LGALS3: variants seen among roughly 807,000 people sequenced by gnomAD.
The protein encoded by LGALS3 is galectin-3.
A neutral mutation model predicts 20.7 loss-of-function variants in LGALS3; 18 were observed. The ratio of observed to expected loss-of-function variants is 0.87; its 90% CI spans 0.60 to 1.29. The LOEUF is 1.29. Ranked by LOEUF, LGALS3 falls within the 50% of genes most tolerant of loss-of-function variation. The probability of loss-of-function intolerance (pLI) is 0.00; values close to 1 mark genes in which losing one functional copy is unlikely to be tolerated. For synonymous variants in LGALS3, 112 were observed against 119.6 expected, an observed-to-expected ratio of 0.94 and a Z score of 0.42; for missense variants, 315 against 314.7, an observed-to-expected ratio of 1.00 and a Z score of -0.01.
chr14:55,138,398 T>G, intron 3 of LGALS3, 30 bp downstream of exon 3: 1 of 1,609,750 alleles, frequency 6.2e-7, no homozygotes, highest in Non-Finnish European at 8.5e-7. Flanking sequence ...TTCATGTACT[T>G]GACATGCAGA....
chr14:55,142,416 G>A (rs1473740108), intron 4 of LGALS3, among the ~76,000 whole-genome samples, 168 bp from the exon 5 acceptor site: 1 of 152,166 alleles, frequency 6.6e-6, no homozygotes, highest in Non-Finnish European at 1.5e-5. Flanking sequence ...ATCAGGCATA[G>A]GATATTTTCC....
intron 3 of LGALS3, chr14:55,138,595 C>G (rs1881506996): frequency 7.7e-6 from 5 of 647,124 alleles, no homozygotes; most frequent in Middle Eastern, 3.6e-4. Flanking sequence ...GAATATAAAT[C>G]AAGATTGTAG....
intron 1 of LGALS3, among the ~76,000 whole-genome samples, chr14:55,130,593 CTT>C (rs1379210260): frequency 6.7e-6 from 1 of 150,270 alleles, no homozygotes; most frequent in Non-Finnish European, 1.5e-5. Flanking sequence ...CAGTTTCGCT[CTT>C]GTTGCCCAGG....
rs758655135 is a variant in LGALS3, at chr14:55,137,347, A to G, written c.-4-23A>G. The G allele has an allele frequency of 3.1e-6, 5 of 1,610,412 alleles. No homozygotes were observed. The East Asian group carries it at 1.1e-4, about 36-fold the overall frequency. On this transcript the variant is annotated intron_variant, in intron 1 of 5. Coordinates refer to ENST00000254301, the MANE Select transcript of LGALS3 (RefSeq NM_002306.4). ...AATTGGTGAAAGCTTTTAGGATAAA[A>G]TGATAATCTTTGTTTCTTTCAGGAA...
At chr14:55,138,596 A>C in intron 3 of LGALS3, 1 of 641,728 alleles carries the variant, frequency 1.6e-6, no homozygotes, top group Non-Finnish European at 2.8e-6. Context: ...AATATAAATC[A>C]AGATTGTAGT....
chr14:55,140,167 G>A, intron 3 of LGALS3, 108 bp from the exon 4 acceptor site: 2 of 715,536 alleles, frequency 2.8e-6, no homozygotes, highest in South Asian at 3.5e-5. Context: ...ATATACTAGA[G>A]TTATGTGTTT....
intron 2 of LGALS3, 83 bp from the exon 3 acceptor site, chr14:55,137,962 T>C (rs1449999273): frequency 6.9e-7 from 1 of 1,446,522 alleles, no homozygotes; most frequent in Non-Finnish European, 9.1e-7. Flanking sequence ...CTCTCCTTCT[T>C]AGATCACATA....
chr14:55,139,870 G>C (rs1454083225), intron 3 of LGALS3, among the ~76,000 whole-genome samples: 1 of 152,176 alleles, frequency 6.6e-6, no homozygotes, highest in Admixed American at 6.5e-5. Flanking sequence ...CAAAGCATAT[G>C]AGAACCCACA....
At chr14:55,143,568 T>C (rs1399668266) in intron 5 of LGALS3, 1 of 230,580 alleles carries the variant, frequency 4.3e-6, no homozygotes, top group Non-Finnish European at 9.0e-6. Context: ...ATTATAGGCG[T>C]GCGCTACCAT....
rs898159066 is a variant in LGALS3, at chr14:55,138,350, C to G, written c.324C>G (p.Gly108=). The change falls in exon 3 of 6, where the codon GGC becomes GGG. Residue 108 remains glycine, a synonymous_variant. Transcript: ENST00000254301. ...CCTACCCTGCCACTGGCCCCTATGG[C>G]GCCCCTGCTGGGCCACTGGTGAGAT... ...TGAYPATGPY[G]APAGPLIVPY... is the part of the protein sequence containing the mutation. The G allele has an allele frequency of 1.2e-6, 2 of 1,612,642 alleles. No homozygotes were observed. The highest frequency in any genetic ancestry group is 1.3e-5 in the African/African-American group (1 of 74,928).
At chr14:55,133,441 C>G (rs1472751690) in intron 1 of LGALS3, among the ~76,000 whole-genome samples, 1 of 152,130 alleles carries the variant, frequency 6.6e-6, no homozygotes, top group Non-Finnish European at 1.5e-5. Context: ...GATAACCAAG[C>G]CTGCTACTAA....
At chr14:55,141,313 T>A (rs1292909373) in intron 4 of LGALS3, among the ~76,000 whole-genome samples, 1 of 152,154 alleles carries the variant, frequency 6.6e-6, no homozygotes, top group African/African-American at 2.4e-5. Flanking sequence ...ATAATGCCCG[T>A]CTCATAGCAA....
In LGALS3 at chr14:55,140,246, T is replaced by C. The variant is rs760323124; in HGVS notation, c.343-29T>C. 9.0e-6 allele frequency: 13 copies of C among 1,440,512 alleles called. No individual in the cohort carries two copies. The Middle Eastern group carries it at 5.2e-4, about 58-fold the overall frequency. The allele number at this position is 1,440,512 out of a possible 1,614,324, so 89.2% of individuals were successfully genotyped here. A position where few individuals can be genotyped will look rare whatever the true frequency, so the allele number is the denominator to read the frequency against. Reference sequence around the variant, plus strand: ...TTCCCCAAAGAAACATGACTCCTTATTGACACATATGTACTTGTTAATTCC... The same window carrying C: ...TTCCCCAAAGAAACATGACTCCTTACTGACACATATGTACTTGTTAATTCC... On this transcript the variant is annotated intron_variant, in intron 3 of 5. Transcript: ENST00000254301.
Position 55,137,357 on chromosome 14 carries a change from T to C in LGALS3, c.-4-13T>C, listed in dbSNP as rs781107852. On this transcript the variant is annotated splice_polypyrimidine_tract_variant and intron_variant, in intron 1 of 5. Coordinates refer to ENST00000254301, the MANE Select transcript of LGALS3 (RefSeq NM_002306.4). Reference sequence around the variant, plus strand: ...AGCTTTTAGGATAAAATGATAATCTTTGTTTCTTTCAGGAAAATGGCAGAC... The same window carrying C: ...AGCTTTTAGGATAAAATGATAATCTCTGTTTCTTTCAGGAAAATGGCAGAC... 7 of 1,612,822 alleles carry C rather than the reference T, an allele frequency of 4.3e-6. No individual in the cohort carries two copies. In the East Asian group the frequency reaches 1.1e-4, roughly 26 times the overall value.
intron 3 of LGALS3, among the ~76,000 whole-genome samples, chr14:55,138,818 T>G (rs1481631176): frequency 1.3e-5 from 2 of 152,314 alleles, no homozygotes; most frequent in East Asian, 3.9e-4. Flanking sequence ...AATCTGGTTT[T>G]GAAAAACCTT....
At position 55,145,271 on chromosome 14, in the gene LGALS3, A is replaced by G. The variant is rs1469180374; in HGVS notation, c.753A>G (p.Ter251=). Residue 251 remains the stop codon, a stop_retained_variant, in exon 6 of 6, where the codon TAA becomes TAG. Transcript: ENST00000254301. ...CCAGTGCTTCATATACCATGATATA[A>G]TCTGAAAGGGGCAGATTAAAAAAAA... ...DLTSASYTMI[*] The G allele has an allele frequency of 1.2e-6, 2 of 1,613,130 alleles. No individual in the cohort carries two copies. The highest frequency in any genetic ancestry group is 1.7e-6 in the Non-Finnish European group (2 of 1,179,666).
chr14:55,135,547 G>T (rs1881362964), intron 1 of LGALS3, among the ~76,000 whole-genome samples: 1 of 148,408 alleles, frequency 6.7e-6, no homozygotes, highest in Non-Finnish European at 1.5e-5. Flanking sequence ...CAAAAATAAG[G>T]TAATATTTTA....
intron 3 of LGALS3, 117 bp from the exon 4 acceptor site, chr14:55,140,158 T>C: frequency 3.1e-6 from 2 of 648,638 alleles, no homozygotes; most frequent in Non-Finnish European, 5.5e-6. Flanking sequence ...ACAGATGGCA[T>C]ATACTAGAGT....
intron 3 of LGALS3, among the ~76,000 whole-genome samples, chr14:55,139,118 A>G (rs1375951630): frequency 5.9e-5 from 9 of 152,032 alleles, no homozygotes; most frequent in African/African-American, 1.9e-4. Flanking sequence ...GACTTGGGGG[A>G]GTGGGTGGCA....
Sources: allele counts gnomAD v4.1 joint callset (sites outside exome capture counted in the v4.1 genomes callset), GRCh38; gene constraint gnomAD v4.1.1; transcripts MANE v1.5; gene names NCBI Gene and HGNC (gene_info 2026-07-23, HGNC 2026-07-21).